Variants in SYNE1 observed in about 807,000 individuals in gnomAD.
The protein encoded by SYNE1 is nesprin-1.
In SYNE1, 616 loss-of-function variants were observed where a neutral mutation model predicts 1,111.0. The observed-to-expected ratio is 0.55, with a 90% CI of 0.52 to 0.59. The LOEUF is 0.59. Ranked by LOEUF, SYNE1 falls within the 20% of genes least tolerant of loss-of-function variation. SYNE1 has a pLI of 0.00. For missense variants in SYNE1, 10,006 were observed against 10,417.0 expected, an observed-to-expected ratio of 0.96 and a Z score of 1.72; for synonymous variants, 3,855 against 3,825.8, an observed-to-expected ratio of 1.01 and a Z score of -0.28.
chr6:152,356,472 T>C (rs911580282), intron 66 of SYNE1, among the ~76,000 whole-genome samples: 16 of 147,994 alleles, frequency 1.1e-4, no homozygotes, highest in Non-Finnish European at 2.2e-4. Context: ...TTGTTAAATA[T>C]ATAAAATCTA....
At chr6:152,435,031 T>C (rs2098460729) in intron 33 of SYNE1, 1 of 152,158 alleles carries the variant, frequency 6.6e-6, no homozygotes, top group Non-Finnish European at 1.5e-5. Flanking sequence ...CATAACTTGA[T>C]AGAGAATATT....
At chr6:152,154,812 G>A in intron 133 of SYNE1, 80 bp downstream of exon 133, 7 of 1,524,386 alleles carry the variant, frequency 4.6e-6, no homozygotes, top group Non-Finnish European at 5.5e-6. Flanking sequence ...TGAACAGCTA[G>A]TTTAGGTCTT....
At chr6:152,336,783 T>C (rs1402082693) in intron 76 of SYNE1, 58 bp downstream of exon 76, 2 of 1,594,958 alleles carry the variant, frequency 1.3e-6, no homozygotes, top group African/African-American at 2.7e-5. Flanking sequence ...TGAACACATT[T>C]CAGGTTTTCT....
At chr6:152,176,780 C>T (rs750449652) in intron 129 of SYNE1, among the ~76,000 whole-genome samples, 13 of 150,972 alleles carry the variant, frequency 8.6e-5, no homozygotes, top group Non-Finnish European at 1.6e-4. Context: ...TAGAGGTTCT[C>T]GAAATAAATA....
In SYNE1 at chr6:152,323,469, C is replaced by T. The variant is rs779265988; in HGVS notation, c.15917+9G>A. 8 of 1,612,080 alleles carry T rather than the reference C, an allele frequency of 5.0e-6. No individual in the cohort carries two copies. Among genetic ancestry groups the T allele is most frequent in the Non-Finnish European group, 6.8e-6 (8 of 1,180,010 alleles). On this transcript the variant is annotated intron_variant, in intron 82 of 145. Transcript: ENST00000367255. ...ACAAACAAAAGAATGAAAGTAGGTGCTTAATTACTTCAGGCACCGATCTTG... is the reference window on the plus strand; with the variant it reads ...ACAAACAAAAGAATGAAAGTAGGTGTTTAATTACTTCAGGCACCGATCTTG...
intron 95 of SYNE1, among the ~76,000 whole-genome samples, chr6:152,284,610 A>ATTTTTTTTT (rs760978831): frequency 9.2e-6 from 1 of 108,150 alleles, no homozygotes; most frequent in Non-Finnish European, 1.9e-5. Flanking sequence ...ACACCTGGTA[A>ATTTTTTTTT]TTTTTTTTTT....
At chr6:152,512,059 T>C (rs1016736694) in intron 6 of SYNE1, among the ~76,000 whole-genome samples, 2 of 151,794 alleles carry the variant, frequency 1.3e-5, no homozygotes, top group Non-Finnish European at 2.9e-5. Context: ...AAGTGTGTTA[T>C]TAATAAAAAG....
intron 39 of SYNE1, among the ~76,000 whole-genome samples, chr6:152,423,787 C>T (rs1292227960): frequency 2.0e-5 from 3 of 152,200 alleles, no homozygotes; most frequent in Non-Finnish European, 2.9e-5. Context: ...GACTTCCTCT[C>T]TGTCTCCCAA....
chr6:152,232,398 CT>C, intron 112 of SYNE1, 133 bp from the exon 113 acceptor site: 1 of 968,366 alleles, frequency 1.0e-6, no homozygotes, highest in Non-Finnish European at 1.6e-6. Flanking sequence ...ATTTGGAGAT[CT>C]TACCCTTTCT....
chr6:152,242,831 G>A (rs958747461), intron 106 of SYNE1, among the ~76,000 whole-genome samples: 1 of 152,142 alleles, frequency 6.6e-6, no homozygotes, highest in African/African-American at 2.4e-5. Flanking sequence ...TCATAAAAAT[G>A]TAAGTATGAA....
intron 83 of SYNE1, 142 bp downstream of exon 83, chr6:152,321,579 T>C (rs2095869577): frequency 6.4e-6 from 8 of 1,247,920 alleles, no homozygotes; most frequent in Non-Finnish European, 9.0e-6. Flanking sequence ...TCCCATGAAG[T>C]AATACTAAAT....
At position 152,269,189 on chromosome 6, in the gene SYNE1, G is replaced by A; in HGVS notation, c.18671C>T (p.Thr6224Ile). Residue 6224 changes from threonine (T) to isoleucine (I), a missense_variant, in exon 99 of 146, where the codon ACC becomes ATC. Physicochemically the swap from Thr to Ile is moderately conservative, Grantham distance 89 (BLOSUM62 -1). Transcript: ENST00000367255. ...EWLAQARTTW[T>I]QQRQSSLQQQ... is the part of the protein sequence containing the mutation. The stretch of plus-strand genomic sequence containing the variant: ...CTGGAGACTGCTCTGCCGCTGCTGG[G>A]TCCATGTGGTGCGAGCTTGGGCCAG... The A allele has an allele frequency of 6.2e-7, 1 of 1,614,192 alleles. No homozygotes were observed.
chr6:152,418,779 G>A (rs1451527177), intron 40 of SYNE1, among the ~76,000 whole-genome samples: 1 of 152,174 alleles, frequency 6.6e-6, no homozygotes, highest in Non-Finnish European at 1.5e-5. Context: ...CTTAAGGTCT[G>A]ACATCTCACT....
In SYNE1 at chr6:152,459,212, T is replaced by G. The variant is rs2098716196; in HGVS notation, c.2395-282A>C. The stretch of plus-strand genomic sequence containing the variant: ...TAGCACTTTCTCATCTAAATGATTG[T>G]TTTTAGTGAGCCAGATGGCATCAAA... On this transcript the variant is annotated intron_variant, in intron 21 of 145. Transcript: ENST00000367255. Among the ~76,000 whole-genome samples, 3 of 152,170 alleles carry G rather than the reference T, an allele frequency of 2.0e-5. No homozygotes were observed. In the South Asian group the frequency reaches 6.2e-4, roughly 32 times the overall value.
chr6:152,403,640 T>C (rs1229148944), intron 46 of SYNE1, among the ~76,000 whole-genome samples: 1 of 152,058 alleles, frequency 6.6e-6, no homozygotes. Context: ...GAGAATTGCT[T>C]GAGCTTGGGA....
rs142229551 is a variant in SYNE1, at chr6:152,284,094, C to T, written c.18091G>A (p.Glu6031Lys). 97 of 1,614,048 alleles carry T rather than the reference C, an allele frequency of 6.0e-5. No individual in the cohort carries two copies. In the African/African-American group the frequency reaches 9.1e-4, roughly 15 times the overall value. The part of the protein sequence containing the change: ...QSSLAEELVS[E>K]SCEADPAEQL... ...TCCGCAGGGTCGGCCTCACAAGACTCGGATACCAGCTCCTCTGCGAGAGAG... is the reference window on the plus strand; with the variant it reads ...TCCGCAGGGTCGGCCTCACAAGACTTGGATACCAGCTCCTCTGCGAGAGAG... The change falls in exon 96 of 146, where the codon GAG becomes AAG. Residue 6031 changes from glutamate (E) to lysine (K), a missense_variant. Coordinates refer to ENST00000367255, the MANE Select transcript of SYNE1 (RefSeq NM_182961.4).
intron 59 of SYNE1, among the ~76,000 whole-genome samples, chr6:152,370,605 A>T (rs1291585660): frequency 6.6e-6 from 1 of 152,218 alleles, no homozygotes; most frequent in East Asian, 1.9e-4. Context: ...GTCTAACTTT[A>T]GCAAAGGTGT....
At chr6:152,278,549 G>T (rs973117799) in intron 97 of SYNE1, among the ~76,000 whole-genome samples, 108 of 151,560 alleles carry the variant, frequency 7.1e-4, no homozygotes, top group African/African-American at 2.5e-3. Context: ...TGCAAGCTCC[G>T]CCTCCCAGGT....
chr6:152,363,714 A>G (rs1023929910), intron 63 of SYNE1: 3 of 454,620 alleles, frequency 6.6e-6, no homozygotes, highest in South Asian at 1.6e-5. Context: ...GCTTGAAGAC[A>G]TTCTCTAGCC....
Sources: allele counts gnomAD v4.1 joint callset (sites outside exome capture counted in the v4.1 genomes callset), GRCh38; gene constraint gnomAD v4.1.1; transcripts MANE v1.5; gene names NCBI Gene and HGNC (gene_info 2026-07-23, HGNC 2026-07-21).